Variants in KIF17 observed in about 807,000 individuals in gnomAD.
KIF17 encodes kinesin-like protein KIF17.
KIF17 carries 80 observed loss-of-function variants against 96.8 expected under a neutral mutation model. That is an observed-to-expected ratio of 0.83 (90% CI 0.69 to 1.00). The LOEUF is 1.00. Among genes scored for constraint, KIF17 ranks in the 50% least tolerant of loss-of-function variants. KIF17 has a pLI of 0.00. For missense variants in KIF17, 1,280 were observed against 1,372.9 expected (o/e 0.93, Z 1.07); for synonymous variants, 567 against 587.5 (o/e 0.97, Z 0.51).
At chr1:20,683,522 G>T (rs980553030) in intron 10 of KIF17, among the ~76,000 whole-genome samples, 1 of 152,058 alleles carries the variant, frequency 6.6e-6, no homozygotes, top group Non-Finnish European at 1.5e-5. Flanking sequence ...GGGCGTGATG[G>T]TGCACACCTG....
At chr1:20,675,235 C>T (rs1409368488) in intron 11 of KIF17, among the ~76,000 whole-genome samples, 1 of 151,358 alleles carries the variant, frequency 6.6e-6, no homozygotes, top group African/African-American at 2.4e-5. Context: ...ATCACAAGGC[C>T]AGGAGATCAA....
chr1:20,685,114 C>T lies in KIF17; in HGVS notation c.2020-94G>A, dbSNP rs1484050108. 28 of 969,282 alleles carry T rather than the reference C, an allele frequency of 2.9e-5. No homozygotes were observed. The highest frequency in any genetic ancestry group is 5.5e-5 in the South Asian group (4 of 72,082). 60.0% of individuals were successfully genotyped at this position (969,282 alleles called of 1,614,324 possible). A position where few individuals can be genotyped will look rare whatever the true frequency, so the allele number is the denominator to read the frequency against. ...GGCTCAATCCCAGACGGGGCCATTC[C>T]GCCTGCTGCAGCCCCGACAGATCAC... is the stretch of plus-strand genomic sequence containing the variant. On this transcript the variant is annotated intron_variant, in intron 9 of 14. Coordinates refer to ENST00000400463, the MANE Select transcript of KIF17 (RefSeq NM_001122819.3). The surrounding 1 kb of genome is among the most constrained non-coding windows in gnomAD (Gnocchi z 4.1).
chr1:20,703,386 ATGGG>A (rs2054278032), intron 5 of KIF17, among the ~76,000 whole-genome samples: 1 of 151,222 alleles, frequency 6.6e-6, no homozygotes, highest in South Asian at 2.1e-4. Context: ...GTCAGTATGG[ATGGG>A]TGGGTGGGTG....
At chr1:20,678,763 G>T (rs562919300) in intron 11 of KIF17, among the ~76,000 whole-genome samples, 1 of 152,176 alleles carries the variant, frequency 6.6e-6, no homozygotes, top group South Asian at 2.1e-4. Flanking sequence ...CCTAAAAACG[G>T]ATCTGAAACC....
intron 1 of KIF17, 27 bp from the exon 2 acceptor site, chr1:20,715,666 T>TG: frequency 6.2e-7 from 1 of 1,613,542 alleles, no homozygotes. Context: ...CAGGACCCCG[T>TG]GCTCAGTGGA....
At position 20,677,572 on chromosome 1, in the gene KIF17, G is replaced by C. The variant is rs1394194288; in HGVS notation, c.2463+5081C>G. On this transcript the variant is annotated intron_variant, in intron 11 of 14. Transcript: ENST00000400463. ...CTATGTAGTTGTCAAAGAATGAGGA[G>C]GCCAGGCGTAGTGGCTCACGTCTGT... Among the ~76,000 whole-genome samples, 5 of 152,152 alleles carry C rather than the reference G, an allele frequency of 3.3e-5. No homozygotes were observed. In the East Asian group the frequency reaches 7.7e-4, roughly 23 times the overall value.
At chr1:20,713,271 C>T (rs113665587) in intron 3 of KIF17, among the ~76,000 whole-genome samples, 183 bp downstream of exon 3, 12 of 148,772 alleles carry the variant, frequency 8.1e-5, no homozygotes, top group Non-Finnish European at 1.0e-4. Flanking sequence ...GTTAGGATTA[C>T]GGGCAAGAGC....
At position 20,715,551 on chromosome 1, in the gene KIF17, G is replaced by A. The variant is rs758746393; in HGVS notation, c.320C>T (p.Pro107Leu). 19 of 1,613,622 alleles carry A rather than the reference G, an allele frequency of 1.2e-5. No individual in the cohort carries two copies. The highest frequency in any genetic ancestry group is 2.2e-5 in the East Asian group (1 of 44,896). ...KSFTMQGLPD[P>L]PSQRGIIPRA... is the part of the protein sequence containing the mutation. ...GGGGATGATGCCTCTCTGGGAGGGC[G>A]GATCCGGCAGGCCCTGCATGGTGAA... Residue 107 changes from proline to leucine, a missense_variant, in exon 2 of 15, where the codon CCG becomes CTG. Pro to Leu is a moderately conservative substitution (Grantham distance 98). Coordinates refer to ENST00000400463, the MANE Select transcript of KIF17 (RefSeq NM_001122819.3).
In KIF17 at chr1:20,670,409, C is replaced by T. The variant is rs200556702; in HGVS notation, c.2790+12G>A. ...GCCCCCGACACCCCACTCCCTCTCC[C>T]GCGGTCCTCACCATGTTCGGCTCGC... On this transcript the variant is annotated intron_variant, in intron 13 of 14. Coordinates refer to ENST00000400463, the MANE Select transcript of KIF17 (RefSeq NM_001122819.3). The T allele has an allele frequency of 2.9e-5, 46 of 1,613,118 alleles. No individual in the cohort carries two copies. The highest frequency in any genetic ancestry group is 1.8e-4 in the South Asian group (16 of 91,068).
chr1:20,671,505 A>G (rs1196179454), intron 12 of KIF17, among the ~76,000 whole-genome samples: 2 of 141,368 alleles, frequency 1.4e-5, no homozygotes, highest in East Asian at 2.1e-4. Flanking sequence ...TAATTTTTCT[A>G]TTTTTTTTTT....
At chr1:20,716,560 G>C (rs2054581432) in intron 1 of KIF17, among the ~76,000 whole-genome samples, 1 of 152,218 alleles carries the variant, frequency 6.6e-6, no homozygotes, top group African/African-American at 2.4e-5. Flanking sequence ...GGGAGAACTG[G>C]GGGAGCTGGG....
At position 20,717,492 on chromosome 1, in the gene KIF17, G is replaced by A. The variant is rs1248154006; in HGVS notation, c.215C>T (p.Ala72Val). 2.2e-5 allele frequency: 35 copies of A among 1,611,344 alleles called. No individual in the cohort carries two copies. The highest frequency in any genetic ancestry group is 3.0e-5 in the Non-Finnish European group (35 of 1,179,624). The part of the protein sequence containing the change: ...HVTEQIYNEI[A>V]YPLVEGVTEG... ...CGCCCTCACCTCCACCAGCGGATAG[G>A]CGATCTCGTTGTAGATCTGCTCGGT... The change falls in exon 1 of 15, where the codon GCC becomes GTC. Residue 72 changes from alanine (A) to valine (V), a missense_variant. Transcript: ENST00000400463.
intron 13 of KIF17, among the ~76,000 whole-genome samples, chr1:20,669,904 A>AAAAAC (rs2053609441): frequency 8.2e-6 from 1 of 121,336 alleles, no homozygotes. Context: ...AAAAAAAAAA[A>AAAAAC]CAACCACCAC....
In KIF17 at chr1:20,680,801, A is replaced by T. The variant is rs1241635968; in HGVS notation, c.2463+1852T>A. On this transcript the variant is annotated intron_variant, in intron 11 of 14. Coordinates refer to ENST00000400463, the MANE Select transcript of KIF17 (RefSeq NM_001122819.3). ...GGAGAATGAATTCAACTGGAAATAT[A>T]ACAAGGAGCATTAAGAAAAGATATA... 4.6e-5 allele frequency among the ~76,000 whole-genome samples: 7 copies of T among 152,078 alleles called. No individual in the cohort carries two copies. The East Asian group carries it at 1.4e-3, about 29-fold the overall frequency.
At chr1:20,712,324 G>A (rs1221529051) in intron 3 of KIF17, among the ~76,000 whole-genome samples, 1 of 151,630 alleles carries the variant, frequency 6.6e-6, no homozygotes, top group Non-Finnish European at 1.5e-5. Context: ...TCTGGGGGCT[G>A]AGCTATGATT....
chr1:20,714,354 G>T (rs1014326541), intron 2 of KIF17, among the ~76,000 whole-genome samples: 5 of 152,052 alleles, frequency 3.3e-5, no homozygotes, highest in African/African-American at 1.2e-4. Context: ...GCTGCGCATG[G>T]TGGTGGACAC....
chr1:20,715,341 C>T (rs561640244), intron 2 of KIF17, 152 bp downstream of exon 2: 3 of 1,026,712 alleles, frequency 2.9e-6, no homozygotes, highest in Admixed American at 4.4e-5. Context: ...AAGTTTTTTT[C>T]CCACCACCTT....
At chr1:20,662,662 C>T (rs2053457052), downstream of KIF17, among the ~76,000 whole-genome samples, 2 of 152,204 alleles carry the variant, frequency 1.3e-5, no homozygotes, top group African/African-American at 4.8e-5. Context: ...GGCACAGGGA[C>T]ACCCCAAGGC....
At chr1:20,705,548 G>A (rs752555) in intron 4 of KIF17, among the ~76,000 whole-genome samples, 95,449 of 152,090 alleles carry the variant, frequency 0.63, 31,147 homozygotes, top group East Asian at 0.78. Flanking sequence ...CTCTGTGCCG[G>A]CGCGCAGAAC....
Sources: gnomAD v4.1 joint callset for allele counts (sites outside exome capture counted in the v4.1 genomes callset) on GRCh38, gnomAD v4.1.1 for gene constraint, Gnocchi (gnomAD v3.1) non-coding constraint, MANE v1.5 for transcripts, NCBI Gene and HGNC (gene_info 2026-07-23, HGNC 2026-07-21) for gene names.